SPMIP2: variants seen among roughly 807,000 people sequenced by gnomAD.
SPMIP2 encodes protein SPMIP2.
At chr4:158,969,612 T>C in the SPMIP2 span, among the ~76,000 whole-genome samples, 29 of 152,160 alleles carry the variant, frequency 1.9e-4, no homozygotes, top group African/African-American at 7.0e-4. Context: ...GCATGGAAGT[T>C]ATTATCTTCC....
the SPMIP2 span, among the ~76,000 whole-genome samples, chr4:158,939,153 G>A: frequency 0.23 from 34,567 of 152,228 alleles, 4,340 homozygotes; most frequent in Non-Finnish European, 0.29. Flanking sequence ...GTAGCAATTG[G>A]AGTGAAGGTT....
At chr4:159,056,924 T>C in the SPMIP2 span, among the ~76,000 whole-genome samples, 1 of 152,212 alleles carries the variant, frequency 6.6e-6, no homozygotes, top group South Asian at 2.1e-4. Flanking sequence ...AACAGCTTTG[T>C]AAAATAGATA....
At chr4:159,072,182 C>T in the SPMIP2 span, among the ~76,000 whole-genome samples, 2 of 152,180 alleles carry the variant, frequency 1.3e-5, no homozygotes, top group Admixed American at 6.5e-5. Flanking sequence ...GGTGTTGTGG[C>T]GCATGCCTGT....
chr4:159,008,827 G>A, the SPMIP2 span, among the ~76,000 whole-genome samples: 2 of 152,092 alleles, frequency 1.3e-5, no homozygotes, highest in Admixed American at 1.3e-4. Flanking sequence ...TTCCATTCCT[G>A]TTAAGCCCTT....
At chr4:159,018,457 C>T in the SPMIP2 span, among the ~76,000 whole-genome samples, 1 of 152,154 alleles carries the variant, frequency 6.6e-6, no homozygotes, top group Admixed American at 6.5e-5. Flanking sequence ...CCAGCTAAGG[C>T]ACTATGTTGT....
At chr4:158,950,051 C>T in the SPMIP2 span, among the ~76,000 whole-genome samples, 1 of 152,142 alleles carries the variant, frequency 6.6e-6, no homozygotes, top group African/African-American at 2.4e-5. Context: ...GACCCCGAAC[C>T]CCATCTACCA....
the SPMIP2 span, among the ~76,000 whole-genome samples, chr4:158,925,522 G>C: frequency 2.0e-5 from 3 of 152,292 alleles, no homozygotes; most frequent in East Asian, 5.8e-4. Flanking sequence ...AGAGGGGGTT[G>C]AATGGGATGG....
the SPMIP2 span, among the ~76,000 whole-genome samples, chr4:158,896,907 A>C: frequency 2.6e-5 from 4 of 151,350 alleles, no homozygotes; most frequent in Non-Finnish European, 5.9e-5. Context: ...CAGGTCTGTT[A>C]CATAGGTATA....
At chr4:158,904,500 A>G in the SPMIP2 span, 31 of 1,613,246 alleles carry the variant, frequency 1.9e-5, 2 homozygotes, top group South Asian at 2.5e-4. Flanking sequence ...GTTGACTGCT[A>G]TTGCCAGTAC....
At chr4:159,026,152 T>C in the SPMIP2 span, 3 of 357,716 alleles carry the variant, frequency 8.4e-6, no homozygotes, top group Non-Finnish European at 1.7e-5. Context: ...TGGAAGATGA[T>C]GCCTAGTGGA....
At chr4:159,078,681 T>G in the SPMIP2 span, among the ~76,000 whole-genome samples, 5 of 152,250 alleles carry the variant, frequency 3.3e-5, no homozygotes, top group South Asian at 1.0e-3. Flanking sequence ...TGGGATTGTG[T>G]GGGTGGATTG....
the SPMIP2 span, among the ~76,000 whole-genome samples, chr4:158,989,260 C>T: frequency 1.6e-4 from 25 of 152,288 alleles, no homozygotes; most frequent in Middle Eastern, 0.027. Flanking sequence ...GAAAACATTC[C>T]GTGCTCATGG....
the SPMIP2 span, among the ~76,000 whole-genome samples, chr4:159,060,117 A>G: frequency 6.6e-6 from 1 of 152,326 alleles, no homozygotes; most frequent in East Asian, 1.9e-4. Context: ...AATTTCCAGT[A>G]GAATTCTAAT....
chr4:158,916,343 G>C, the SPMIP2 span, among the ~76,000 whole-genome samples: 1 of 152,206 alleles, frequency 6.6e-6, no homozygotes, highest in Non-Finnish European at 1.5e-5. Flanking sequence ...ATTTTCGTGA[G>C]GTTAGACAAG....
chr4:159,052,558 C>T, the SPMIP2 span, among the ~76,000 whole-genome samples: 529 of 152,256 alleles, frequency 3.5e-3, 15 homozygotes, highest in Admixed American at 0.032. Flanking sequence ...ATCTTCTCTT[C>T]CGTAGATGGG....
the SPMIP2 span, among the ~76,000 whole-genome samples, chr4:158,953,631 T>C: frequency 0.055 from 8,438 of 152,214 alleles, 750 homozygotes; most frequent in African/African-American, 0.19. Context: ...CACTGACAGC[T>C]TGCACCATTT....
chr4:159,008,196 G>T, the SPMIP2 span, among the ~76,000 whole-genome samples: 1 of 152,212 alleles, frequency 6.6e-6, no homozygotes, highest in Non-Finnish European at 1.5e-5. Flanking sequence ...TGATACCTCA[G>T]TTTCATATAC....
chr4:158,972,984 A>C, the SPMIP2 span: 5 of 823,468 alleles, frequency 6.1e-6, no homozygotes, highest in East Asian at 1.1e-4. Context: ...CTCAATGAGA[A>C]ATCAAGCACC....
the SPMIP2 span, among the ~76,000 whole-genome samples, chr4:159,008,493 C>T: frequency 1.3e-5 from 2 of 151,982 alleles, no homozygotes; most frequent in African/African-American, 2.4e-5. Context: ...CACTTGAACC[C>T]GGGAGGCGGA....
Sources: gnomAD v4.1 joint callset for allele counts (sites outside exome capture counted in the v4.1 genomes callset) on GRCh38, gnomAD v4.1.1 for gene constraint, MANE v1.5 for transcripts, NCBI Gene and HGNC (gene_info 2026-07-23, HGNC 2026-07-21) for gene names.